The following FRMD3 variants were observed in gnomAD, a reference collection of about 807,000 sequenced individuals.
FRMD3 encodes FERM domain-containing protein 3.
Under a neutral mutation model 70.2 loss-of-function variants are expected in FRMD3, and 33 were observed. That is an observed-to-expected ratio of 0.47 (90% CI 0.36 to 0.63). FRMD3 has a LOEUF of 0.63. Among genes scored for constraint, FRMD3 ranks in the 20% least tolerant of loss-of-function variants. FRMD3 has a pLI of 0.00. For missense variants in FRMD3, 632 were observed against 711.4 expected (o/e 0.89, Z 1.27); for synonymous variants, 279 against 255.9 (o/e 1.09, Z -0.86).
At chr9:83,300,114 G>GA (rs1168804176) in intron 10 of FRMD3, among the ~76,000 whole-genome samples, 1 of 152,234 alleles carries the variant, frequency 6.6e-6, no homozygotes, top group Non-Finnish European at 1.5e-5. Flanking sequence ...GACATGCACG[G>GA]AGCCAGGGAA....
the FRMD3 span, among the ~76,000 whole-genome samples, chr9:83,583,454 A>G: frequency 2.6e-5 from 4 of 152,154 alleles, no homozygotes; most frequent in Non-Finnish European, 5.9e-5. Flanking sequence ...CCACATTTCT[A>G]TTATATTTTT....
At chr9:83,407,878 TTCTCTC>T (rs147066768) in intron 1 of FRMD3, among the ~76,000 whole-genome samples, 22 of 89,044 alleles carry the variant, frequency 2.5e-4, no homozygotes, top group South Asian at 1.5e-3. Context: ...TCTCTCATCT[TTCTCTC>T]TCTCTCTCTC....
chr9:83,560,363 A>AT, the FRMD3 span, among the ~76,000 whole-genome samples: 1 of 152,180 alleles, frequency 6.6e-6, no homozygotes, highest in South Asian at 2.1e-4. Context: ...CACTTCTATT[A>AT]TAAGAAGAAC....
intron 3 of FRMD3, chr9:83,351,085 C>T: frequency 1.5e-5 from 8 of 550,248 alleles, no homozygotes; most frequent in Non-Finnish European, 1.8e-5. Context: ...CTATTTTACC[C>T]AAATTCATCT....
chr9:83,357,275 A>T (rs1824421910), intron 3 of FRMD3, among the ~76,000 whole-genome samples: 1 of 64,850 alleles, frequency 1.5e-5, no homozygotes, highest in South Asian at 4.5e-4. Context: ...ATATATATAT[A>T]TATATATATA....
the FRMD3 span, among the ~76,000 whole-genome samples, chr9:83,559,910 T>C: frequency 6.6e-6 from 1 of 152,060 alleles, no homozygotes; most frequent in Non-Finnish European, 1.5e-5. Context: ...ATCTTATATT[T>C]TATCTATCTT....
At chr9:83,244,599 TA>T, downstream of FRMD3, 1 of 891,836 alleles carries the variant, frequency 1.1e-6, no homozygotes, top group South Asian at 5.2e-5. Context: ...TTACTTTAAA[TA>T]AAACTGAATG....
At chr9:83,462,154 G>A (rs1827994842) in intron 1 of FRMD3, among the ~76,000 whole-genome samples, 2 of 152,166 alleles carry the variant, frequency 1.3e-5, no homozygotes. Context: ...TGAACCATAA[G>A]CCTATCCATG....
chr9:83,284,687 G>C (rs1203351040), intron 13 of FRMD3, among the ~76,000 whole-genome samples: 2 of 152,206 alleles, frequency 1.3e-5, no homozygotes, highest in Non-Finnish European at 2.9e-5. Context: ...GGAAGAAATG[G>C]CTTAGCATCT....
At chr9:83,244,270 G>T (rs1473853565), downstream of FRMD3, among the ~76,000 whole-genome samples, 1 of 152,126 alleles carries the variant, frequency 6.6e-6, no homozygotes, top group Non-Finnish European at 1.5e-5. Flanking sequence ...GGCCAGTGAT[G>T]ATAACATATT....
intron 3 of FRMD3, among the ~76,000 whole-genome samples, chr9:83,350,460 C>CA (rs35261102): frequency 0.15 from 19,848 of 132,724 alleles, 1,560 homozygotes; most frequent in African/African-American, 0.25. Context: ...ACTAAAAATA[C>CA]AAAAAAAAAA....
intron 1 of FRMD3, among the ~76,000 whole-genome samples, chr9:83,534,778 G>A (rs1334990468): frequency 6.6e-6 from 1 of 152,202 alleles, no homozygotes; most frequent in Non-Finnish European, 1.5e-5. Flanking sequence ...ATGGCCCCCA[G>A]TGACATTTGG....
chr9:83,465,409 A>T (rs13301440), intron 1 of FRMD3, among the ~76,000 whole-genome samples: 58,555 of 151,618 alleles, frequency 0.39, 11,708 homozygotes, highest in Middle Eastern at 0.49. Flanking sequence ...GGGGCAACAC[A>T]GAGAGACCCT....
chr9:83,479,383 G>A (rs571008415), intron 1 of FRMD3, among the ~76,000 whole-genome samples: 1 of 132,834 alleles, frequency 7.5e-6, no homozygotes, highest in South Asian at 2.9e-4. Flanking sequence ...GGAGGAGGAG[G>A]AGAAAAAGGA....
chr9:83,389,584 A>T lies in FRMD3; in HGVS notation c.252+20T>A. ...TGGGTCACTCCCTGAAAATGGCTCC[A>T]GATAGAAATCAGCTCTTACCCTTTG... is the stretch of plus-strand genomic sequence containing the variant. On this transcript the variant is annotated intron_variant, in intron 2 of 13. Coordinates refer to ENST00000304195, the MANE Select transcript of FRMD3 (RefSeq NM_174938.6). The T allele has an allele frequency of 6.4e-7, 1 of 1,555,378 alleles. No individual in the cohort carries two copies. The highest frequency in any genetic ancestry group is 8.9e-7 in the Non-Finnish European group (1 of 1,126,454).
chr9:83,316,610 T>A lies in FRMD3; in HGVS notation c.597-2863A>T, dbSNP rs904100914. On this transcript the variant is annotated intron_variant, in intron 6 of 13. Transcript: ENST00000304195. ...TGTTCTGAAATTTCACTGTGATATA[T>A]GTATATAGAGAATATCTTTATGTAT... Among the ~76,000 whole-genome samples, 5 of 152,354 alleles carry A rather than the reference T, an allele frequency of 3.3e-5. No individual in the cohort carries two copies. In the East Asian group the frequency reaches 9.6e-4, roughly 29 times the overall value.
In FRMD3 at chr9:83,396,781, T is replaced by C. The variant is rs193015795; in HGVS notation, c.148-7073A>G. 5.7e-3 allele frequency among the ~76,000 whole-genome samples: 867 copies of C among 152,352 alleles called. 10 individuals are homozygous for C. The highest frequency in any genetic ancestry group is 8.1e-3 in the Non-Finnish European group (548 of 68,028). On this transcript the variant is annotated intron_variant, in intron 1 of 13. Coordinates refer to ENST00000304195, the MANE Select transcript of FRMD3 (RefSeq NM_174938.6). ...TGTCAATCAGTTAATGTGAATTTCCTTGGAGATGCCCATGAAATTCCTTAT... is the reference window on the plus strand; with the variant it reads ...TGTCAATCAGTTAATGTGAATTTCCCTGGAGATGCCCATGAAATTCCTTAT...
In FRMD3 at chr9:83,537,789, G is replaced by A. The variant is rs73468296; in HGVS notation, c.147+296C>T. 0.052 allele frequency among the ~76,000 whole-genome samples: 7,889 copies of A among 152,260 alleles called. 268 individuals carry two copies. The highest frequency in any genetic ancestry group is 0.16 in the South Asian group (754 of 4,830). ...GGCCCAGAGGGGCCAGAGTCCCTCC[G>A]GAGGCAGCTGCCCCGCGCCCCTAGC... On this transcript the variant is annotated intron_variant, in intron 1 of 13. Transcript: ENST00000304195. This position sits in a 1 kb window ranked among gnomAD's most constrained non-coding sequence, Gnocchi z 4.1.
intron 1 of FRMD3, among the ~76,000 whole-genome samples, chr9:83,456,309 T>C (rs6559727): frequency 0.75 from 114,124 of 152,128 alleles, 42,990 homozygotes; most frequent in African/African-American, 0.81. Context: ...TTTAGCCTAT[T>C]TCGTTTATGG....
Sources: allele counts gnomAD v4.1 joint callset (sites outside exome capture counted in the v4.1 genomes callset), GRCh38; gene constraint gnomAD v4.1.1; non-coding constraint Gnocchi (gnomAD v3.1); transcripts MANE v1.5; gene names NCBI Gene and HGNC (gene_info 2026-07-23, HGNC 2026-07-21).